The following ANO4 variants were observed in gnomAD, a reference collection of about 807,000 sequenced individuals.
ANO4 encodes the protein anoctamin-4.
ANO4 carries 69 observed loss-of-function variants against 141.9 expected under a neutral mutation model. The observed-to-expected ratio is 0.49, with a 90% CI of 0.40 to 0.59. The LOEUF is 0.59. ANO4 is among the 20% of genes least tolerant of loss of function. The pLI is 0.00. For synonymous variants in ANO4, 350 were observed against 394.3 expected, an observed-to-expected ratio of 0.89 and a Z score of 1.33; for missense variants, 894 against 1,162.2, an observed-to-expected ratio of 0.77 and a Z score of 3.36.
intron 26 of ANO4, among the ~76,000 whole-genome samples, chr12:101,124,311 G>C (rs559027856): frequency 6.6e-6 from 1 of 151,998 alleles, no homozygotes; most frequent in South Asian, 2.1e-4. Flanking sequence ...TTTTTAATGG[G>C]GTTGCTTGGT....
chr12:100,912,189 A>G (rs1399017606), intron 2 of ANO4, among the ~76,000 whole-genome samples: 2 of 151,998 alleles, frequency 1.3e-5, no homozygotes, highest in African/African-American at 2.4e-5. Context: ...TGAGGTCAGG[A>G]GTTCGAGACC....
At chr12:101,025,723 A>G (rs542566552) in intron 9 of ANO4, among the ~76,000 whole-genome samples, 8 of 152,370 alleles carry the variant, frequency 5.3e-5, no homozygotes, top group African/African-American at 1.9e-4. Context: ...AACAAGGGTA[A>G]TACATCATGA....
intron 8 of ANO4, among the ~76,000 whole-genome samples, chr12:101,012,786 G>A (rs2046152912): frequency 6.6e-6 from 1 of 152,154 alleles, no homozygotes; most frequent in Admixed American, 6.6e-5. Flanking sequence ...TATTGTAGTA[G>A]TCCTAGAAAC....
intron 7 of ANO4, among the ~76,000 whole-genome samples, chr12:100,975,933 AAAAAAAAAAAAG>A (rs1049260200): frequency 4.3e-5 from 4 of 92,108 alleles, no homozygotes; most frequent in African/African-American, 1.4e-4. Context: ...TTTTCTGCCA[AAAAAAAAAAAAG>A]AAAAAAAAAA....
intron 5 of ANO4, among the ~76,000 whole-genome samples, chr12:100,947,732 CTATTA>C (rs1419635205): frequency 6.6e-6 from 1 of 152,156 alleles, no homozygotes; most frequent in African/African-American, 2.4e-5. Flanking sequence ...TAATCACTTA[CTATTA>C]TAATTTCCAT....
chr12:101,098,774 T>G (rs1323399597), intron 21 of ANO4, among the ~76,000 whole-genome samples: 1 of 152,246 alleles, frequency 6.6e-6, no homozygotes, highest in Admixed American at 6.5e-5. Context: ...AAGAGAATTA[T>G]ATTTTATCTT....
intron 4 of ANO4, among the ~76,000 whole-genome samples, chr12:100,941,482 A>G (rs2042509330): frequency 6.6e-6 from 1 of 152,102 alleles, no homozygotes; most frequent in South Asian, 2.1e-4. Context: ...TGTCTTTAAG[A>G]TTCATTTTTA....
At chr12:101,022,586 T>C (rs2046577307) in intron 9 of ANO4, among the ~76,000 whole-genome samples, 1 of 152,240 alleles carries the variant, frequency 6.6e-6, no homozygotes, top group South Asian at 2.1e-4. Flanking sequence ...ACGAACTTTT[T>C]TCAGTTAACA....
At chr12:100,927,417 C>T (rs2041919369) in intron 3 of ANO4, among the ~76,000 whole-genome samples, 1 of 152,048 alleles carries the variant, frequency 6.6e-6, no homozygotes, top group Non-Finnish European at 1.5e-5. Flanking sequence ...ATCTTATGTA[C>T]AGTAGCACCT....
intron 3 of ANO4, among the ~76,000 whole-genome samples, chr12:100,932,305 A>AT (rs1159342058): frequency 3.5e-4 from 53 of 151,844 alleles, no homozygotes; most frequent in African/African-American, 1.3e-3. Context: ...AAAGTCTTTG[A>AT]TTTTTTTGAT....
intron 1 of ANO4, among the ~76,000 whole-genome samples, chr12:100,882,422 A>G (rs990489870): frequency 2.0e-5 from 3 of 152,194 alleles, no homozygotes; most frequent in African/African-American, 7.2e-5. Context: ...GGTAGATGAT[A>G]TCATCATCTC....
intron 3 of ANO4, among the ~76,000 whole-genome samples, chr12:100,745,694 A>G (rs2032070761): frequency 6.6e-6 from 1 of 152,222 alleles, no homozygotes; most frequent in Non-Finnish European, 1.5e-5. Context: ...TCCATTTAAT[A>G]GAAATTCTGT....
At chr12:100,962,526 T>C (rs1169821741) in intron 5 of ANO4, among the ~76,000 whole-genome samples, 1 of 152,212 alleles carries the variant, frequency 6.6e-6, no homozygotes, top group Non-Finnish European at 1.5e-5. Flanking sequence ...AACTGTGTCC[T>C]CTAATCAGGA....
At chr12:100,724,021 CAAAA>C (rs1318456392) in intron 1 of ANO4, among the ~76,000 whole-genome samples, 1 of 91,388 alleles carries the variant, frequency 1.1e-5, no homozygotes, top group Non-Finnish European at 2.0e-5. Context: ...CAAAAACAAA[CAAAA>C]AACAAAAAAA....
intron 14 of ANO4, among the ~76,000 whole-genome samples, chr12:101,050,643 T>C (rs1044122143): frequency 2.0e-5 from 3 of 152,234 alleles, no homozygotes; most frequent in Non-Finnish European, 4.4e-5. Context: ...CCTTAATGTA[T>C]ATAGTATTCT....
chr12:100,938,697 G>A (rs892926290), intron 3 of ANO4, among the ~76,000 whole-genome samples: 3 of 152,120 alleles, frequency 2.0e-5, no homozygotes, highest in East Asian at 3.9e-4. Flanking sequence ...TGTTATTAAC[G>A]TCAACAGTCT....
At chr12:100,968,714 G>A (rs1040480885) in intron 5 of ANO4, among the ~76,000 whole-genome samples, 2 of 152,152 alleles carry the variant, frequency 1.3e-5, no homozygotes, top group Non-Finnish European at 2.9e-5. Flanking sequence ...ACTGTACTAT[G>A]TATTGAAAAG....
At chr12:101,029,325 A>G (rs2136542149) in intron 9 of ANO4, among the ~76,000 whole-genome samples, 1 of 152,328 alleles carries the variant, frequency 6.6e-6, no homozygotes, top group Non-Finnish European at 1.5e-5. Flanking sequence ...GAATTCACAC[A>G]TAACAATACT....
chr12:101,068,745 T>C (rs1593182002), intron 14 of ANO4: 3 of 1,299,824 alleles, frequency 2.3e-6, no homozygotes, highest in Non-Finnish European at 2.2e-6. Flanking sequence ...ATGTTGCCGA[T>C]GACTATATTC....
Sources: allele counts gnomAD v4.1 joint callset (sites outside exome capture counted in the v4.1 genomes callset), GRCh38; gene constraint gnomAD v4.1.1; transcripts MANE v1.5; gene names NCBI Gene and HGNC (gene_info 2026-07-23, HGNC 2026-07-21).